Variants in BMPR2 observed in about 807,000 individuals in gnomAD.
BMPR2 encodes the protein bone morphogenetic protein receptor type-2.
A neutral mutation model predicts 100.8 loss-of-function variants in BMPR2; 29 were observed. The observed-to-expected ratio is 0.29, with a 90% CI of 0.21 to 0.39. BMPR2 has a LOEUF of 0.39. BMPR2 is among the 10% of genes least tolerant of loss of function. The probability of loss-of-function intolerance (pLI) is 1.00; values close to 1 mark genes in which losing one functional copy is unlikely to be tolerated. For synonymous variants in BMPR2, 382 were observed against 442.3 expected (o/e 0.86, Z 1.71); for missense variants, 1,011 against 1,274.5 (o/e 0.79, Z 3.15).
chr2:202,379,547 GGTT>G (rs1690226432), intron 1 of BMPR2, among the ~76,000 whole-genome samples: 1 of 152,166 alleles, frequency 6.6e-6, no homozygotes. Flanking sequence ...GTGCAGCAGT[GGTT>G]ATGCAAATGT....
Position 202,434,091 on chromosome 2 carries a change from C to T in BMPR2, c.77-30718C>T, listed in dbSNP as rs76539490. Among the ~76,000 whole-genome samples, 12 of 150,572 alleles carry T rather than the reference C, an allele frequency of 8.0e-5. 1 individual carries two copies. In the East Asian group the frequency reaches 2.3e-3, roughly 29 times the overall value. ...CTCAAGTGATTCAGCTTACACAATT[C>T]TGGCTGAAAAATTAAACTTGGGCAA... is the stretch of plus-strand genomic sequence containing the variant. On this transcript the variant is annotated intron_variant, in intron 1 of 12. Coordinates refer to ENST00000374580, the MANE Select transcript of BMPR2 (RefSeq NM_001204.7).
chr2:202,550,374 CAAAAA>C (rs71035016), intron 10 of BMPR2, among the ~76,000 whole-genome samples: 1 of 94,276 alleles, frequency 1.1e-5, no homozygotes, highest in Non-Finnish European at 2.2e-5. Flanking sequence ...CTCCTATCTC[CAAAAA>C]AAAAAAAAAA....
At chr2:202,384,564 C>T (rs1162136487) in intron 1 of BMPR2, among the ~76,000 whole-genome samples, 47 of 28,968 alleles carry the variant, frequency 1.6e-3, no homozygotes, top group Admixed American at 5.9e-3. Flanking sequence ...TTCTTTCTTT[C>T]TTTCTTTTTC....
rs559729270 is a variant in BMPR2, at chr2:202,563,206, G to C, written c.*3260G>C. 6.6e-6 allele frequency: 1 copy of C among 152,320 alleles called. No individual in the cohort carries two copies. The highest frequency in any genetic ancestry group is 1.9e-4 in the East Asian group (1 of 5,188). 9.4% of individuals were successfully genotyped at this position (152,320 alleles called of 1,614,324 possible). A position where few individuals can be genotyped will look rare whatever the true frequency, so the allele number is the denominator to read the frequency against. On this transcript the variant is annotated 3_prime_UTR_variant, in exon 13 of 13. Coordinates refer to ENST00000374580, the MANE Select transcript of BMPR2 (RefSeq NM_001204.7). ...CCCCGCACTTTGGGAGGCCGAGCCGGGTGGATCATGAGGTCAGACGTTCAA... is the reference window on the plus strand; with the variant it reads ...CCCCGCACTTTGGGAGGCCGAGCCGCGTGGATCATGAGGTCAGACGTTCAA...
chr2:202,387,277 A>C (rs1209182317), intron 1 of BMPR2, among the ~76,000 whole-genome samples: 2 of 152,222 alleles, frequency 1.3e-5, no homozygotes, highest in African/African-American at 4.8e-5. Flanking sequence ...GGAAGTGAAG[A>C]GACACATGAG....
chr2:202,559,829 C>T lies in BMPR2; in HGVS notation c.3000C>T (p.Val1000=). The T allele has an allele frequency of 6.2e-7, 1 of 1,614,084 alleles. No homozygotes were observed. Among genetic ancestry groups the T allele is most frequent in the Non-Finnish European group, 8.5e-7 (1 of 1,180,036 alleles). The change falls in exon 13 of 13, where the codon GTC becomes GTT. Residue 1000 remains valine, a synonymous_variant. Transcript: ENST00000374580. The stretch of plus-strand genomic sequence containing the variant: ...CCACTGAATCGCTGGACTGTGAAGT[C>T]AACAATAATGGCAGTAACAGGGCAG... ...VISTESLDCE[V]NNNGSNRAVH... is the part of the protein sequence containing the mutation.
chr2:202,394,513 A>G (rs534068256), intron 1 of BMPR2, among the ~76,000 whole-genome samples: 3 of 152,142 alleles, frequency 2.0e-5, no homozygotes. Context: ...AGTGCCTGCT[A>G]TGTGTCAAGT....
At chr2:202,433,488 A>G (rs189780220) in intron 1 of BMPR2, among the ~76,000 whole-genome samples, 1 of 150,976 alleles carries the variant, frequency 6.6e-6, no homozygotes, top group East Asian at 1.9e-4. Context: ...TGAAGCAAGA[A>G]CAAACATAAA....
At chr2:202,520,422 A>C (rs565020681) in intron 7 of BMPR2, 14 of 568,438 alleles carry the variant, frequency 2.5e-5, no homozygotes, top group African/African-American at 2.1e-4. Context: ...GGTGCTTGAT[A>C]GCTGAGTAAA....
At chr2:202,541,534 A>C (rs1688272824) in intron 9 of BMPR2, among the ~76,000 whole-genome samples, 1 of 152,194 alleles carries the variant, frequency 6.6e-6, no homozygotes, top group Non-Finnish European at 1.5e-5. Flanking sequence ...AATAGAACCA[A>C]TGATGTAATG....
chr2:202,542,335 T>C lies in BMPR2; in HGVS notation c.1301T>C (p.Met434Thr), dbSNP rs776401904. The stretch of plus-strand genomic sequence containing the variant: ...GGGGAATCCGTACCAGAGTACCAGA[T>C]GGCTTTTCAGACAGAGGTTGGAAAC... ...FPGESVPEYQ[M>T]AFQTEVGNHP... is the part of the protein sequence containing the mutation. Residue 434 changes from methionine to threonine, a missense_variant, in exon 10 of 13, where the codon ATG (methionine) becomes ACG (threonine). This residue lies in a region of BMPR2 where 83 missense variants were observed against 140.7 expected (regional missense o/e 0.59). Coordinates refer to ENST00000374580, the MANE Select transcript of BMPR2 (RefSeq NM_001204.7). 1.9e-6 allele frequency: 3 copies of C among 1,614,108 alleles called. No homozygotes were observed. The South Asian group carries it at 3.3e-5, about 18-fold the overall frequency.
intron 3 of BMPR2, among the ~76,000 whole-genome samples, chr2:202,497,655 A>G (rs13031838): frequency 0.13 from 19,299 of 152,088 alleles, 1,299 homozygotes; most frequent in Admixed American, 0.14. Context: ...AAGGCATGTC[A>G]CCCAAGTGAG....
intron 3 of BMPR2, among the ~76,000 whole-genome samples, chr2:202,511,634 T>G (rs1574485212): frequency 6.6e-6 from 1 of 152,182 alleles, no homozygotes; most frequent in Non-Finnish European, 1.5e-5. Flanking sequence ...CTCACTGTGG[T>G]AAAATGAGTT....
intron 1 of BMPR2, among the ~76,000 whole-genome samples, chr2:202,425,852 A>G (rs948787231): frequency 6.6e-6 from 1 of 152,236 alleles, no homozygotes; most frequent in Non-Finnish European, 1.5e-5. Context: ...ATTGAATTGC[A>G]TTTTAAAATT....
Position 202,471,443 on chromosome 2 carries a change from C to T in BMPR2, c.418+3754C>T, listed in dbSNP as rs186069188. 2.0e-5 allele frequency among the ~76,000 whole-genome samples: 3 copies of T among 152,188 alleles called. No individual in the cohort carries two copies. The East Asian group carries it at 5.8e-4, about 29-fold the overall frequency. ...ATTATAAAATGGGAAAAATGGACAC[C>T]TTGACCAGGTAATAAAAGTTAACAT... On this transcript the variant is annotated intron_variant, in intron 3 of 12. Coordinates refer to ENST00000374580, the MANE Select transcript of BMPR2 (RefSeq NM_001204.7).
chr2:202,380,633 T>C (rs1179446155), intron 1 of BMPR2, among the ~76,000 whole-genome samples: 2 of 151,564 alleles, frequency 1.3e-5, no homozygotes, highest in African/African-American at 2.4e-5. Flanking sequence ...TCTTTCTTTT[T>C]TTTTTTTTTT....
chr2:202,482,701 G>A (rs1248912754), intron 3 of BMPR2, among the ~76,000 whole-genome samples: 1 of 152,082 alleles, frequency 6.6e-6, no homozygotes, highest in Non-Finnish European at 1.5e-5. Context: ...ACTATGTCCA[G>A]CTAATTTTTT....
At chr2:202,535,341 A>G (rs1397452772) in intron 9 of BMPR2, among the ~76,000 whole-genome samples, 8 of 146,778 alleles carry the variant, frequency 5.5e-5, no homozygotes, top group Non-Finnish European at 9.0e-5. Flanking sequence ...GGCGGTTGCC[A>G]GGCAGAGGGT....
chr2:202,469,454 A>G, intron 3 of BMPR2: 1 of 289,780 alleles, frequency 3.5e-6, no homozygotes, highest in Non-Finnish European at 6.9e-6. Flanking sequence ...AAACTGAAAT[A>G]AATGAACCCA....
Sources: allele counts gnomAD v4.1 joint callset (sites outside exome capture counted in the v4.1 genomes callset), GRCh38; gene constraint gnomAD v4.1.1; regional missense constraint gnomAD v4.1.1; transcripts MANE v1.5; gene names NCBI Gene and HGNC (gene_info 2026-07-23, HGNC 2026-07-21).